MGST1: variants seen among roughly 807,000 people sequenced by gnomAD.
The protein encoded by MGST1 is microsomal glutathione S-transferase 1.
A neutral mutation model predicts 8.9 loss-of-function variants in MGST1; 5 were observed. The ratio of observed to expected loss-of-function variants is 0.56; its 90% CI spans 0.29 to 1.19. The LOEUF is 1.19. Among genes scored for constraint, MGST1 ranks in the 50% most tolerant of loss-of-function variants. MGST1 has a pLI of 0.08. For synonymous variants in MGST1, 54 were observed against 67.8 expected (o/e 0.80, Z 1.00); for missense variants, 182 against 187.4 (o/e 0.97, Z 0.17).
chr12:16,531,836 G>A (rs1184663155), intron 4 of MGST1, among the ~76,000 whole-genome samples: 2 of 152,156 alleles, frequency 1.3e-5, no homozygotes, highest in African/African-American at 2.4e-5. Context: ...GAAATGAGCA[G>A]CTGCATGGGT....
At chr12:16,387,804 C>T (rs532814751) in intron 1 of MGST1, among the ~76,000 whole-genome samples, 38 of 152,110 alleles carry the variant, frequency 2.5e-4, no homozygotes, top group Non-Finnish European at 5.0e-4. Context: ...GGATTACAGG[C>T]GTGAGCCGCC....
chr12:16,372,838 T>A (rs1208015819), intron 3 of MGST1, among the ~76,000 whole-genome samples: 1 of 148,960 alleles, frequency 6.7e-6, no homozygotes, highest in Non-Finnish European at 1.5e-5. Context: ...AATATTCCAT[T>A]ATATATTATA....
chr12:16,359,180 C>CA (rs1939874999), intron 3 of MGST1, among the ~76,000 whole-genome samples: 2 of 152,168 alleles, frequency 1.3e-5, no homozygotes, highest in South Asian at 4.1e-4. Context: ...CTCTGTCAGA[C>CA]AATGGCCTTC....
At position 16,376,047 on chromosome 12, in the gene MGST1, G is replaced by T. The variant is rs59004394; in HGVS notation, c.222-75G>T. ...ACAGATTTTATACATATATATAAAT[G>T]TATTTTATGTGTTCACGTGTGTGTA... On this transcript the variant is annotated intron_variant, in intron 3 of 3. Transcript: ENST00000535309. 3.1e-3 allele frequency: 3,186 copies of T among 1,016,370 alleles called. 77 individuals carry two copies. The African/African-American group carries it at 0.047, about 15-fold the overall frequency. 63.0% of individuals were successfully genotyped at this position (1,016,370 alleles called of 1,614,324 possible).
At chr12:16,400,031 G>A (rs1940640990) in intron 1 of MGST1, 2 of 1,569,740 alleles carry the variant, frequency 1.3e-6, no homozygotes, top group Non-Finnish European at 1.8e-6. Context: ...TCCCTAAAAG[G>A]CACTTCAAAT....
intron 4 of MGST1, among the ~76,000 whole-genome samples, chr12:16,564,257 G>A (rs1441030589): frequency 6.6e-6 from 1 of 152,158 alleles, no homozygotes; most frequent in African/African-American, 2.4e-5. Context: ...ACACTGTAGT[G>A]AGCATGCACA....
Position 16,544,221 on chromosome 12 carries a change from T to TACACACACACACACAC in MGST1, n.483-45279_483-45264dup, listed in dbSNP as rs3029719. On this transcript the variant is annotated intron_variant and non_coding_transcript_variant, in intron 4 of 4. Transcript: ENST00000538857. The surrounding 1 kb of genome is among the most constrained non-coding windows in gnomAD (Gnocchi z 4.8). ...TTAAATTGACACCTTAAGTAAGAACTACACACACACACACACACACACACA... is the reference window on the plus strand; with the variant it reads ...TTAAATTGACACCTTAAGTAAGAACTACACACACACACACACACACACACACACACACACACACACA... Among the ~76,000 whole-genome samples the TACACACACACACACAC allele has an allele frequency of 7.9e-5, 11 of 138,888 alleles. No individual in the cohort carries two copies. The highest frequency in any genetic ancestry group is 2.7e-4 in the African/African-American group (10 of 36,964). The allele number at this position is 138,888 out of a possible 152,430, so 91.1% of individuals were successfully genotyped here.
chr12:16,424,686 C>T (rs1940870174), intron 1 of MGST1, among the ~76,000 whole-genome samples: 1 of 152,174 alleles, frequency 6.6e-6, no homozygotes, highest in Non-Finnish European at 1.5e-5. Flanking sequence ...GACTGAGTGA[C>T]ACGGGCCTAT....
chr12:16,574,498 T>C (rs7296508), intron 4 of MGST1, among the ~76,000 whole-genome samples: 6,814 of 152,194 alleles, frequency 0.045, 512 homozygotes, highest in African/African-American at 0.16. Context: ...TATTACTTGG[T>C]ATTTTTTCTT....
intron 4 of MGST1, among the ~76,000 whole-genome samples, chr12:16,460,648 T>C (rs1039952122): frequency 6.6e-6 from 1 of 151,244 alleles, no homozygotes; most frequent in Non-Finnish European, 1.5e-5. Context: ...GTGGTGTTAA[T>C]CACCTCCAGT....
rs1942152920 is a variant in MGST1, at chr12:16,555,276, C to T, written n.483-34252C>T. Among the ~76,000 whole-genome samples, 1 of 152,168 alleles carries T rather than the reference C, an allele frequency of 6.6e-6. No individual in the cohort carries two copies. The highest frequency in any genetic ancestry group is 2.1e-4 in the South Asian group (1 of 4,820). ...CTTAAATTGTAACAATCCTTGAGTT[C>T]CCATTGCCTCCATCAACATCTTCTG... On this transcript the variant is annotated intron_variant and non_coding_transcript_variant, in intron 4 of 4. Coordinates refer to the MGST1 transcript ENST00000538857. The surrounding 1 kb of genome is among the most constrained non-coding windows in gnomAD (Gnocchi z 5.5).
intron 4 of MGST1, among the ~76,000 whole-genome samples, chr12:16,552,403 T>C (rs950805805): frequency 1.1e-4 from 16 of 152,046 alleles, no homozygotes; most frequent in Non-Finnish European, 2.1e-4. Context: ...AGTGGATAGA[T>C]TAAATTGTGT....
At chr12:16,391,139 C>CTT (rs71054812) in intron 1 of MGST1, among the ~76,000 whole-genome samples, 35 of 139,102 alleles carry the variant, frequency 2.5e-4, no homozygotes, top group African/African-American at 9.1e-4. Flanking sequence ...TTGCCCACTT[C>CTT]TTTTTTTTTT....
intron 1 of MGST1, among the ~76,000 whole-genome samples, chr12:16,385,552 A>G (rs1400634726): frequency 6.6e-6 from 1 of 152,154 alleles, no homozygotes; most frequent in Non-Finnish European, 1.5e-5. Flanking sequence ...ATTTATACTT[A>G]TTTTATTAAC....
chr12:16,421,051 A>G (rs558252586), intron 1 of MGST1, among the ~76,000 whole-genome samples: 26 of 151,968 alleles, frequency 1.7e-4, no homozygotes, highest in African/African-American at 5.3e-4. Flanking sequence ...TCTGCTACAC[A>G]TTTTCCCCAT....
At chr12:16,574,003 T>G (rs1039043674) in intron 4 of MGST1, 2 of 152,216 alleles carry the variant, frequency 1.3e-5, no homozygotes, top group African/African-American at 4.8e-5. Context: ...ATTACTCCAC[T>G]GCCTAATTGC....
rs1417313456 is a variant in MGST1, at chr12:16,413,650, T to A, written n.779-23738T>A. On this transcript the variant is annotated intron_variant and non_coding_transcript_variant, in intron 1 of 1. Coordinates refer to the MGST1 transcript ENST00000359720. This position sits in a 1 kb window ranked among gnomAD's most constrained non-coding sequence, Gnocchi z 4.0. ...AGATCTCAATTTTCTCATTTACCCT[T>A]ATTTTTTTCCATACATTCTCAAGGA... 1.3e-5 allele frequency among the ~76,000 whole-genome samples: 2 copies of A among 152,204 alleles called. No individual in the cohort carries two copies. The highest frequency in any genetic ancestry group is 2.9e-5 in the Non-Finnish European group (2 of 68,038).
At chr12:16,403,754 C>A (rs1449329191) in intron 1 of MGST1, among the ~76,000 whole-genome samples, 1 of 152,052 alleles carries the variant, frequency 6.6e-6, no homozygotes, top group Non-Finnish European at 1.5e-5. Flanking sequence ...GAAGGGGAAG[C>A]AAGGCACCTT....
At chr12:16,540,679 C>T (rs1326525959) in intron 4 of MGST1, among the ~76,000 whole-genome samples, 8 of 152,152 alleles carry the variant, frequency 5.3e-5, no homozygotes, top group Non-Finnish European at 1.0e-4. Context: ...GCCTGTAATG[C>T]CAGCACTTTG....
Sources: gnomAD v4.1 joint callset for allele counts (sites outside exome capture counted in the v4.1 genomes callset) on GRCh38, gnomAD v4.1.1 for gene constraint, Gnocchi (gnomAD v3.1) non-coding constraint, MANE v1.5 for transcripts, NCBI Gene and HGNC (gene_info 2026-07-23, HGNC 2026-07-21) for gene names.